EPB41L4B: variants seen among roughly 807,000 people sequenced by gnomAD.
EPB41L4B encodes band 4.1-like protein 4B.
EPB41L4B carries 30 observed loss-of-function variants against 112.5 expected under a neutral mutation model. The observed-to-expected ratio is 0.27, with a 90% CI of 0.20 to 0.36. The LOEUF is 0.36. Ranked by LOEUF, EPB41L4B falls within the 10% of genes least tolerant of loss-of-function variation. The pLI, the probability that EPB41L4B is intolerant of heterozygous loss-of-function variation, is 1.00. For synonymous variants in EPB41L4B, 408 were observed against 439.7 expected (o/e 0.93, Z 0.90); for missense variants, 1,024 against 1,133.3 (o/e 0.90, Z 1.38).
chr9:109,192,657 C>A (rs1011095817), intron 21 of EPB41L4B, among the ~76,000 whole-genome samples: 8 of 152,068 alleles, frequency 5.3e-5, no homozygotes, highest in African/African-American at 1.9e-4. Context: ...TTGAAAGAGT[C>A]CTCTGAATGT....
At position 109,194,542 on chromosome 9, in the gene EPB41L4B, C is replaced by T; in HGVS notation, c.2046-145G>A. 4 of 852,220 alleles carry T rather than the reference C, an allele frequency of 4.7e-6. No individual in the cohort carries two copies. In the South Asian group the frequency reaches 6.3e-5, roughly 13 times the overall value. The allele number at this position is 852,220 out of a possible 1,614,324, so 52.8% of individuals were successfully genotyped here. A position where few individuals can be genotyped will look rare whatever the true frequency, so the allele number is the denominator to read the frequency against. ...AGATGTCCACCAGATGTCCAGCTTG[C>T]AGGATCCAATACTCTGACTTTTTTG... On this transcript the variant is annotated intron_variant, in intron 20 of 25. Transcript: ENST00000374566.
rs562120722 is a variant in EPB41L4B, at chr9:109,319,064, C to G, written c.306+1077G>C. Among the ~76,000 whole-genome samples, 10 of 152,374 alleles carry G rather than the reference C, an allele frequency of 6.6e-5. No homozygotes were observed. In the South Asian group the frequency reaches 2.1e-3, roughly 32 times the overall value. Reference sequence around the variant, plus strand: ...CTTCCCTTGACATCCTCGAGATGATCTGTAACATTCATCTAAAGCTCAATT... The same window carrying G: ...CTTCCCTTGACATCCTCGAGATGATGTGTAACATTCATCTAAAGCTCAATT... On this transcript the variant is annotated intron_variant, in intron 1 of 25. Transcript: ENST00000374566.
intron 15 of EPB41L4B, among the ~76,000 whole-genome samples, chr9:109,226,613 T>C (rs1833766023): frequency 9.8e-6 from 1 of 101,592 alleles, no homozygotes; most frequent in Non-Finnish European, 2.0e-5. Flanking sequence ...TTTTCATATA[T>C]ATATATATAT....
At chr9:109,256,627 CT>C in intron 7 of EPB41L4B, 147 bp from the exon 8 acceptor site, 1 of 670,344 alleles carries the variant, frequency 1.5e-6, no homozygotes, top group Non-Finnish European at 2.6e-6. Context: ...TTCCCAAGAC[CT>C]TACTGTTAAT....
At chr9:109,264,672 T>C (rs999372463) in intron 5 of EPB41L4B, among the ~76,000 whole-genome samples, 3 of 152,232 alleles carry the variant, frequency 2.0e-5, no homozygotes, top group Admixed American at 1.3e-4. Context: ...ACTAATAACG[T>C]ATCTTGCTTG....
chr9:109,250,134 T>C (rs1255785201), intron 13 of EPB41L4B, among the ~76,000 whole-genome samples: 1 of 152,130 alleles, frequency 6.6e-6, no homozygotes, highest in African/African-American at 2.4e-5. Context: ...TCAGGTTTCT[T>C]CTAGAGGGTG....
intron 15 of EPB41L4B, chr9:109,240,890 C>T: frequency 3.0e-6 from 3 of 985,438 alleles, no homozygotes; most frequent in Non-Finnish European, 3.6e-6. Flanking sequence ...TATTCCCATA[C>T]TTGAGCAGCA....
At chr9:109,292,770 C>A (rs1223150199) in intron 1 of EPB41L4B, among the ~76,000 whole-genome samples, 17 of 152,166 alleles carry the variant, frequency 1.1e-4, no homozygotes, top group Admixed American at 1.1e-3. Flanking sequence ...TCTGGAAGAG[C>A]CTGTCAGTGC....
chr9:109,216,998 G>A lies in EPB41L4B; in HGVS notation c.1557C>T (p.Asn519=), dbSNP rs753430203. ...QHQHQHQHHS[N]YSLSLTLENK... ...TCTCCAGGGTCAGTGAGAGGCTGTAGTTTGAGTGGTGCTGGTGCTGATGCT... is the reference window on the plus strand; with the variant it reads ...TCTCCAGGGTCAGTGAGAGGCTGTAATTTGAGTGGTGCTGGTGCTGATGCT... The change falls in exon 16 of 26, where the codon AAC becomes AAT. Residue 519 remains asparagine (N), a synonymous_variant. Transcript: ENST00000374566. 1.4e-5 allele frequency: 22 copies of A among 1,614,222 alleles called. No homozygotes were observed. In the Admixed American group the frequency reaches 3.7e-4, roughly 27 times the overall value.
chr9:109,202,172 G>C (rs117393533), intron 19 of EPB41L4B, among the ~76,000 whole-genome samples: 1 of 152,272 alleles, frequency 6.6e-6, no homozygotes, highest in Non-Finnish European at 1.5e-5. Flanking sequence ...CATTGACTAA[G>C]AATGGAATCC....
intron 24 of EPB41L4B, among the ~76,000 whole-genome samples, chr9:109,181,176 T>C (rs1046426979): frequency 6.6e-6 from 1 of 151,854 alleles, no homozygotes; most frequent in African/African-American, 2.4e-5. Flanking sequence ...ATTATTATTA[T>C]TATTTTGTAG....
chr9:109,316,679 C>T (rs1837648098), intron 1 of EPB41L4B, among the ~76,000 whole-genome samples: 1 of 152,188 alleles, frequency 6.6e-6, no homozygotes, highest in African/African-American at 2.4e-5. Context: ...AAGGGCTCAT[C>T]TGGAAGTTGG....
At chr9:109,208,136 T>C in intron 17 of EPB41L4B, 87 bp from the exon 18 acceptor site, 2 of 1,517,880 alleles carry the variant, frequency 1.3e-6, no homozygotes, top group Non-Finnish European at 1.8e-6. Context: ...TAACTGCATA[T>C]AACACAGACC....
At chr9:109,305,001 T>C (rs1374235959) in intron 1 of EPB41L4B, among the ~76,000 whole-genome samples, 2 of 152,084 alleles carry the variant, frequency 1.3e-5, no homozygotes, top group Non-Finnish European at 2.9e-5. Context: ...ATGTCACTAA[T>C]GGTCGATTTT....
rs1835483803 is a variant in EPB41L4B at position 109,268,394 on chromosome 9, T to C, written c.451A>G (p.Lys151Glu). 1.2e-6 allele frequency: 2 copies of C among 1,610,884 alleles called. No homozygotes were observed. The highest frequency in any genetic ancestry group is 1.7e-6 in the Non-Finnish European group (2 of 1,179,258). Residue 151 changes from lysine (K) to glutamate (E), a missense_variant, in exon 3 of 26, where the codon AAA becomes GAA. Lys to Glu is a moderately conservative substitution (Grantham distance 56, BLOSUM62 1). Coordinates refer to ENST00000374566, the MANE Select transcript of EPB41L4B (RefSeq NM_019114.5). ...DHAKPIKKQM[K>E]IGPAYALHFR... ...GAGCTAAATTCTGCTTACTTACTTT[T>C]CATCTGCTTTTTTATGGGTTTGGCA...
intron 15 of EPB41L4B, among the ~76,000 whole-genome samples, chr9:109,226,281 C>T (rs1052131394): frequency 6.6e-6 from 1 of 152,100 alleles, no homozygotes; most frequent in Non-Finnish European, 1.5e-5. Context: ...TCCTTCATTT[C>T]TTCATGCCTC....
intron 24 of EPB41L4B, among the ~76,000 whole-genome samples, chr9:109,181,142 AC>A: frequency 6.6e-6 from 1 of 152,008 alleles, no homozygotes; most frequent in East Asian, 1.9e-4. Flanking sequence ...CTCCTGGGTA[AC>A]TGGGACTACA....
chr9:109,241,786 G>C (rs368537840), intron 15 of EPB41L4B: 3 of 1,614,008 alleles, frequency 1.9e-6, no homozygotes, highest in Non-Finnish European at 2.5e-6. Flanking sequence ...TTTCCAATGC[G>C]ACCTGTCATC....
At chr9:109,203,588 CG>C in intron 19 of EPB41L4B, 74 bp downstream of exon 19, 1 of 1,215,860 alleles carries the variant, frequency 8.2e-7, no homozygotes, top group East Asian at 2.3e-5. Flanking sequence ...CTAATGCCCT[CG>C]TGAGCAATGT....
Sources: allele counts gnomAD v4.1 joint callset (sites outside exome capture counted in the v4.1 genomes callset), GRCh38; gene constraint gnomAD v4.1.1; transcripts MANE v1.5; gene names NCBI Gene and HGNC (gene_info 2026-07-23, HGNC 2026-07-21).